Variants in CAP2 observed in about 807,000 individuals in gnomAD.
CAP2 encodes cyclase associated actin cytoskeleton regulatory protein 2.
A neutral mutation model predicts 57.7 loss-of-function variants in CAP2; 24 were observed. The observed-to-expected ratio is 0.42, with a 90% CI of 0.30 to 0.58. The LOEUF (loss-of-function observed/expected upper bound fraction) is 0.58. Ranked by LOEUF, CAP2 falls within the 20% of genes least tolerant of loss-of-function variation. The probability of loss-of-function intolerance (pLI) is 0.22; values close to 1 mark genes in which losing one functional copy is unlikely to be tolerated. For missense variants in CAP2, 501 were observed against 590.3 expected (o/e 0.85, Z 1.57); for synonymous variants, 194 against 207.2 (o/e 0.94, Z 0.55).
At chr6:17,434,242 T>TA (rs1239322478) in intron 3 of CAP2, among the ~76,000 whole-genome samples, 1 of 151,766 alleles carries the variant, frequency 6.6e-6, no homozygotes, top group African/African-American at 2.4e-5. Context: ...TTTCTTTTTT[T>TA]TTTTGAGACA....
intron 4 of CAP2, among the ~76,000 whole-genome samples, chr6:17,493,937 T>G (rs1466305264): frequency 6.6e-6 from 1 of 152,138 alleles, no homozygotes; most frequent in Non-Finnish European, 1.5e-5. Flanking sequence ...TTCCCCCATC[T>G]CAGTTGATGG....
Position 17,407,735 on chromosome 6 carries a change from T to A in CAP2, c.-1-13820T>A, listed in dbSNP as rs1759019853. ...TGGAGGTTGCAGTCAGCTGAGATCC[T>A]GCCACTGCACTCCAGCCTAGGTGAC... On this transcript the variant is annotated intron_variant, in intron 1 of 12. Transcript: ENST00000229922. 5.0e-5 allele frequency among the ~76,000 whole-genome samples: 7 copies of A among 140,884 alleles called. No homozygotes were observed. The South Asian group carries it at 1.6e-3, about 31-fold the overall frequency. 92.4% of individuals were successfully genotyped at this position (140,884 alleles called of 152,430 possible).
At chr6:17,505,433 A>G (rs1340987215) in intron 4 of CAP2, among the ~76,000 whole-genome samples, 1 of 152,134 alleles carries the variant, frequency 6.6e-6, no homozygotes, top group Non-Finnish European at 1.5e-5. Flanking sequence ...ATCACCTGGG[A>G]AGCTTAAACA....
chr6:17,541,188 C>T (rs1762890923), intron 9 of CAP2, 40 bp downstream of exon 9: 1 of 1,508,064 alleles, frequency 6.6e-7, no homozygotes, highest in Non-Finnish European at 9.1e-7. Flanking sequence ...CTGACATGCG[C>T]CAATGAAAGG....
At chr6:17,395,706 G>T (rs1043946538) in intron 1 of CAP2, among the ~76,000 whole-genome samples, 13 of 152,256 alleles carry the variant, frequency 8.5e-5, no homozygotes, top group African/African-American at 2.6e-4. Flanking sequence ...CTTTATTCAT[G>T]AGGTTTTGTT....
At chr6:17,498,528 C>T (rs554745671) in intron 4 of CAP2, among the ~76,000 whole-genome samples, 1 of 152,122 alleles carries the variant, frequency 6.6e-6, no homozygotes, top group East Asian at 1.9e-4. Flanking sequence ...CAGGGCTGCC[C>T]CGGAGGTCTT....
chr6:17,487,973 A>G (rs999981042), intron 4 of CAP2, among the ~76,000 whole-genome samples: 2 of 151,480 alleles, frequency 1.3e-5, no homozygotes, highest in Non-Finnish European at 2.9e-5. Flanking sequence ...TTTGTTTTGT[A>G]GAGACAGAGT....
At chr6:17,528,284 G>A (rs528617734) in intron 7 of CAP2, among the ~76,000 whole-genome samples, 13 of 152,318 alleles carry the variant, frequency 8.5e-5, no homozygotes, top group African/African-American at 2.9e-4. Flanking sequence ...AGGTTTATGG[G>A]ACGAAACCCC....
intron 3 of CAP2, among the ~76,000 whole-genome samples, chr6:17,455,369 A>G (rs1446123296): frequency 6.6e-6 from 1 of 152,092 alleles, no homozygotes; most frequent in African/African-American, 2.4e-5. Flanking sequence ...GCAGGTGTGC[A>G]TATGGACAGC....
At chr6:17,414,261 C>CTT (rs61122805) in intron 1 of CAP2, among the ~76,000 whole-genome samples, 1 of 148,274 alleles carries the variant, frequency 6.7e-6, no homozygotes, top group African/African-American at 2.5e-5. Flanking sequence ...AGTCTATTTC[C>CTT]TTTTTTTTTT....
intron 3 of CAP2, among the ~76,000 whole-genome samples, chr6:17,461,615 A>C (rs1760721193): frequency 6.6e-6 from 1 of 152,134 alleles, no homozygotes. Flanking sequence ...ATTTTCTTAA[A>C]AACTAGAAAA....
intron 7 of CAP2, among the ~76,000 whole-genome samples, chr6:17,526,614 T>G (rs1193006418): frequency 6.6e-6 from 1 of 151,918 alleles, no homozygotes; most frequent in Non-Finnish European, 1.5e-5. Flanking sequence ...AAAAGGGAAA[T>G]GGGGGAAGGT....
At chr6:17,477,479 A>G (rs187317309) in intron 4 of CAP2, among the ~76,000 whole-genome samples, 1 of 152,342 alleles carries the variant, frequency 6.6e-6, no homozygotes, top group Non-Finnish European at 1.5e-5. Context: ...CAGACCCCAG[A>G]TATTTAAGAT....
At chr6:17,451,892 G>GA (rs1298857174) in intron 3 of CAP2, among the ~76,000 whole-genome samples, 2 of 151,548 alleles carry the variant, frequency 1.3e-5, no homozygotes, top group African/African-American at 2.4e-5. Flanking sequence ...TTCTGATAAT[G>GA]AAAAAAAATG....
chr6:17,522,756 A>G (rs959590895), intron 7 of CAP2, among the ~76,000 whole-genome samples: 1 of 152,196 alleles, frequency 6.6e-6, no homozygotes, highest in Non-Finnish European at 1.5e-5. Flanking sequence ...AGGTGGGGCT[A>G]TGTAGTGTTT....
intron 12 of CAP2, among the ~76,000 whole-genome samples, chr6:17,555,147 G>T (rs1430869499): frequency 2.0e-5 from 3 of 152,152 alleles, no homozygotes; most frequent in Admixed American, 6.5e-5. Context: ...CCATTCCCCA[G>T]ACCTACTGAA....
chr6:17,456,076 G>C (rs1760561270), intron 3 of CAP2, among the ~76,000 whole-genome samples: 3 of 152,208 alleles, frequency 2.0e-5, no homozygotes, highest in Admixed American at 6.5e-5. Context: ...TATCATTTAG[G>C]CCAGTGGTTT....
chr6:17,499,271 C>T (rs1341936867), intron 4 of CAP2, among the ~76,000 whole-genome samples: 5 of 151,406 alleles, frequency 3.3e-5, no homozygotes, highest in Admixed American at 6.6e-5. Flanking sequence ...TGGTGGCACA[C>T]GCCTGTAATC....
chr6:17,530,386 G>C (rs9465044), intron 7 of CAP2, among the ~76,000 whole-genome samples: 36,151 of 152,044 alleles, frequency 0.24, 5,203 homozygotes, highest in African/African-American at 0.4. Flanking sequence ...CTACTGCACT[G>C]GGCCTAACCT....
Sources: allele counts gnomAD v4.1 joint callset (sites outside exome capture counted in the v4.1 genomes callset), GRCh38; gene constraint gnomAD v4.1.1; transcripts MANE v1.5; gene names NCBI Gene and HGNC (gene_info 2026-07-23, HGNC 2026-07-21).